ADAMTS2: variants seen among roughly 807,000 people sequenced by gnomAD.
The protein encoded by ADAMTS2 is ADAM metallopeptidase with thrombospondin type 1 motif 2.
Under a neutral mutation model 123.0 loss-of-function variants are expected in ADAMTS2, and 50 were observed. That is an observed-to-expected ratio of 0.41 (90% CI 0.32 to 0.51). ADAMTS2 has a LOEUF of 0.51. ADAMTS2 is among the 20% of genes least tolerant of loss of function. ADAMTS2 has a pLI of 0.35. For synonymous variants in ADAMTS2, 678 were observed against 695.4 expected (o/e 0.98, Z 0.39); for missense variants, 1,494 against 1,705.2 (o/e 0.88, Z 2.18).
Position 179,314,165 on chromosome 5 carries a change from C to G in ADAMTS2, c.534+29602G>C, listed in dbSNP as rs1347513471. Among the ~76,000 whole-genome samples, 1 of 152,276 alleles carries G rather than the reference C, an allele frequency of 6.6e-6. No homozygotes were observed. Among genetic ancestry groups the G allele is most frequent in the East Asian group, 1.9e-4 (1 of 5,206 alleles). ...TCGGATTGGGCGCAGCCTGGGAGCA[C>G]ACAGACCGGCCAGGGCCAGGGCCAG... On this transcript the variant is annotated intron_variant, in intron 2 of 21. Coordinates refer to ENST00000251582, the MANE Select transcript of ADAMTS2 (RefSeq NM_014244.5). This position sits in a 1 kb window ranked among gnomAD's most constrained non-coding sequence, Gnocchi z 4.5.
intron 2 of ADAMTS2, among the ~76,000 whole-genome samples, chr5:179,322,084 A>G (rs1415862486): frequency 6.6e-6 from 1 of 152,242 alleles, no homozygotes; most frequent in Non-Finnish European, 1.5e-5. Flanking sequence ...TGGGAGACAC[A>G]CAAAAATGTT....
At chr5:179,338,804 C>T (rs1757690239) in intron 2 of ADAMTS2, among the ~76,000 whole-genome samples, 1 of 151,994 alleles carries the variant, frequency 6.6e-6, no homozygotes, top group Non-Finnish European at 1.5e-5. Flanking sequence ...CGGGGAGAGA[C>T]CATGGGGCAG....
intron 2 of ADAMTS2, among the ~76,000 whole-genome samples, chr5:179,276,978 C>T (rs1474360416): frequency 6.6e-6 from 1 of 152,136 alleles, no homozygotes; most frequent in East Asian, 1.9e-4. Flanking sequence ...CCCTGACCAG[C>T]AGGGGTCAGG....
rs561204069 is a variant in ADAMTS2, at chr5:179,307,638, C to T, written c.535-34574G>A. Reference sequence around the variant, plus strand: ...CCAGCGGCTTCCCACCACATGACTGCCCCGGTCCCCGCTGATTTCTCCTTC... The same window carrying T: ...CCAGCGGCTTCCCACCACATGACTGTCCCGGTCCCCGCTGATTTCTCCTTC... On this transcript the variant is annotated intron_variant, in intron 2 of 21. Transcript: ENST00000251582. This position sits in a 1 kb window ranked among gnomAD's most constrained non-coding sequence, Gnocchi z 5.6. 2.6e-5 allele frequency among the ~76,000 whole-genome samples: 4 copies of T among 152,292 alleles called. No individual in the cohort carries two copies. The East Asian group carries it at 7.7e-4, about 29-fold the overall frequency.
rs1446533383 is a variant in ADAMTS2, at chr5:179,262,170, A to G, written c.688+10741T>C. On this transcript the variant is annotated intron_variant, in intron 3 of 21. Coordinates refer to ENST00000251582, the MANE Select transcript of ADAMTS2 (RefSeq NM_014244.5). This position sits in a 1 kb window ranked among gnomAD's most constrained non-coding sequence, Gnocchi z 5.9. ...CAATTCTGACTCCTGCACGTGGCCC[A>G]GACCACCTAACCTGCCACCCCCACC... Among the ~76,000 whole-genome samples, 1 of 152,014 alleles carries G rather than the reference A, an allele frequency of 6.6e-6. No homozygotes were observed. Among genetic ancestry groups the G allele is most frequent in the Non-Finnish European group, 1.5e-5 (1 of 67,984 alleles).
At chr5:179,343,699 A>C in intron 2 of ADAMTS2, 68 bp downstream of exon 2, 1 of 1,565,270 alleles carries the variant, frequency 6.4e-7, no homozygotes, top group Non-Finnish European at 8.6e-7. Context: ...AGGGACTCCC[A>C]GGTAACCCTT....
rs1208864321 is a variant in ADAMTS2 at position 179,234,240 on chromosome 5, G to A, written c.689-26525C>T. On this transcript the variant is annotated intron_variant, in intron 3 of 21. Transcript: ENST00000251582. This position sits in a 1 kb window ranked among gnomAD's most constrained non-coding sequence, Gnocchi z 4.7. ...GCCCTCGAGGCTTAACCCCTGCTCT[G>A]TGGGGGATTCCTGCTGCTCTGCCTG... Among the ~76,000 whole-genome samples the A allele has an allele frequency of 2.0e-5, 3 of 152,146 alleles. No individual in the cohort carries two copies. Among genetic ancestry groups the A allele is most frequent in the Non-Finnish European group, 2.9e-5 (2 of 68,018 alleles).
At chr5:179,327,539 AG>A (rs1561751673) in intron 2 of ADAMTS2, among the ~76,000 whole-genome samples, 1 of 152,172 alleles carries the variant, frequency 6.6e-6, no homozygotes, top group African/African-American at 2.4e-5. Flanking sequence ...CTTGACTGAA[AG>A]GGAAGGTCAA....
chr5:179,141,562 T>G (rs1369892753), intron 10 of ADAMTS2, among the ~76,000 whole-genome samples: 2 of 145,296 alleles, frequency 1.4e-5, no homozygotes, highest in East Asian at 3.9e-4. Flanking sequence ...ATGAAGAAGC[T>G]TTTTTTTTTT....
intron 2 of ADAMTS2, among the ~76,000 whole-genome samples, chr5:179,310,781 G>A (rs140370060): frequency 9.9e-5 from 15 of 152,234 alleles, no homozygotes; most frequent in African/African-American, 2.6e-4. Flanking sequence ...TGGGTGTAGA[G>A]GCCCTACTGC....
rs1762610219 is a variant in ADAMTS2 at position 179,113,679 on chromosome 5, A to G, written c.*188T>C. On this transcript the variant is annotated 3_prime_UTR_variant, in exon 22 of 22. Transcript: ENST00000251582. ...GTATTTGGTCGCTCCTGGGCTGGGA[A>G]GCACACGTGCTAACCTAGTTACCAC... The G allele has an allele frequency of 1.5e-6, 1 of 650,420 alleles. No homozygotes were observed. The highest frequency in any genetic ancestry group is 2.8e-5 in the East Asian group (1 of 36,124). 40.3% of individuals were successfully genotyped at this position (650,420 alleles called of 1,614,324 possible). A position where few individuals can be genotyped will look rare whatever the true frequency, so the allele number is the denominator to read the frequency against.
At chr5:179,267,627 A>T (rs1196387633) in intron 3 of ADAMTS2, among the ~76,000 whole-genome samples, 1 of 152,228 alleles carries the variant, frequency 6.6e-6, no homozygotes, top group Non-Finnish European at 1.5e-5. Context: ...GGAGGGCAGA[A>T]GATGCTTCTA....
chr5:179,200,833 C>G (rs948769400), intron 4 of ADAMTS2, among the ~76,000 whole-genome samples: 1 of 152,184 alleles, frequency 6.6e-6, no homozygotes, highest in South Asian at 2.1e-4. Context: ...AACAAAAGGT[C>G]AACAACAGGA....
chr5:179,329,529 C>T (rs184055569), intron 2 of ADAMTS2, among the ~76,000 whole-genome samples: 1 of 152,108 alleles, frequency 6.6e-6, no homozygotes, highest in East Asian at 1.9e-4. Flanking sequence ...GTATAAGAAA[C>T]ACATTTCACT....
Position 179,132,713 on chromosome 5 carries a change from C to G in ADAMTS2, c.2209+64G>C. ...GCCCCAGGATGAGTCAGGCCCTCAG[C>G]TGTCCGGGCATGAGCCTGCTGCAGG... On this transcript the variant is annotated intron_variant, in intron 14 of 21. Transcript: ENST00000251582. The surrounding 1 kb of genome is among the most constrained non-coding windows in gnomAD (Gnocchi z 6.1). The G allele has an allele frequency of 6.2e-7, 1 of 1,610,504 alleles. No individual in the cohort carries two copies. Among genetic ancestry groups the G allele is most frequent in the Non-Finnish European group, 8.5e-7 (1 of 1,177,286 alleles).
rs151071017 is a variant in ADAMTS2 at position 179,256,915 on chromosome 5, C to T, written c.688+15996G>A. Among the ~76,000 whole-genome samples, 1,694 of 152,358 alleles carry T rather than the reference C, an allele frequency of 0.011. 22 individuals carry two copies. The highest frequency in any genetic ancestry group is 0.031 in the Middle Eastern group (9 of 292). ...GCAGGGCTGAGGCCTGGCTTTAGTC[C>T]AGCACCCCGATGTACATACAGACGA... On this transcript the variant is annotated intron_variant, in intron 3 of 21. Coordinates refer to ENST00000251582, the MANE Select transcript of ADAMTS2 (RefSeq NM_014244.5). The surrounding 1 kb of genome is among the most constrained non-coding windows in gnomAD (Gnocchi z 4.1).
intron 2 of ADAMTS2, among the ~76,000 whole-genome samples, chr5:179,294,732 A>G (rs1048027550): frequency 6.6e-6 from 1 of 152,152 alleles, no homozygotes; most frequent in African/African-American, 2.4e-5. Context: ...TGCCAGAGAA[A>G]CTTCCTGCTG....
At chr5:179,340,110 C>T (rs553077123) in intron 2 of ADAMTS2, among the ~76,000 whole-genome samples, 54 of 152,370 alleles carry the variant, frequency 3.5e-4, no homozygotes, top group African/African-American at 1.2e-3. Flanking sequence ...CCCTATCTCA[C>T]AGGGTTGTGG....
intron 2 of ADAMTS2, among the ~76,000 whole-genome samples, chr5:179,288,867 A>T (rs1756104142): frequency 6.6e-6 from 1 of 152,228 alleles, no homozygotes. Context: ...ACCCCAGGGT[A>T]TGAAAGGCCA....
Sources: gnomAD v4.1 joint callset for allele counts (sites outside exome capture counted in the v4.1 genomes callset) on GRCh38, gnomAD v4.1.1 for gene constraint, Gnocchi (gnomAD v3.1) non-coding constraint, MANE v1.5 for transcripts, NCBI Gene and HGNC (gene_info 2026-07-23, HGNC 2026-07-21) for gene names.